CTNNA3: variants seen among roughly 807,000 people sequenced by gnomAD.
CTNNA3 encodes catenin alpha 3.
Under a neutral mutation model 95.7 loss-of-function variants are expected in CTNNA3, and 76 were observed. The observed-to-expected ratio is 0.79, with a 90% CI of 0.66 to 0.96. The LOEUF is 0.96. CTNNA3 is among the 40% of genes least tolerant of loss of function. CTNNA3 has a pLI of 0.00. For synonymous variants in CTNNA3, 431 were observed against 374.4 expected, an observed-to-expected ratio of 1.15 and a Z score of -1.74; for missense variants, 1,191 against 1,089.8, an observed-to-expected ratio of 1.09 and a Z score of -1.31.
At chr10:67,060,103 C>A (rs529279434) in intron 7 of CTNNA3, among the ~76,000 whole-genome samples, 32 of 151,890 alleles carry the variant, frequency 2.1e-4, no homozygotes, top group Non-Finnish European at 3.8e-4. Flanking sequence ...ATCACTTGAG[C>A]CTAGGATTTC....
chr10:66,181,654 A>G (rs532066630), intron 13 of CTNNA3, among the ~76,000 whole-genome samples: 2 of 152,348 alleles, frequency 1.3e-5, no homozygotes, highest in East Asian at 3.9e-4. Flanking sequence ...ACAGTGGCTA[A>G]GTACACTGAA....
At chr10:66,924,986 G>C (rs1317430996) in intron 7 of CTNNA3, among the ~76,000 whole-genome samples, 1 of 152,158 alleles carries the variant, frequency 6.6e-6, no homozygotes. Flanking sequence ...AGGAACCTCA[G>C]ACCAAAAGAA....
chr10:66,395,826 G>T (rs866480765), intron 11 of CTNNA3, among the ~76,000 whole-genome samples: 1 of 151,984 alleles, frequency 6.6e-6, no homozygotes, highest in Admixed American at 6.6e-5. Flanking sequence ...AGATTCAGGG[G>T]TTTCATGTGC....
intron 5 of CTNNA3, among the ~76,000 whole-genome samples, chr10:67,451,593 C>G (rs924788838): frequency 2.6e-5 from 4 of 152,190 alleles, no homozygotes; most frequent in Non-Finnish European, 5.9e-5. Flanking sequence ...TGGCTCTTAT[C>G]CTAGATTCTG....
chr10:66,006,149 A>G (rs944684526), intron 15 of CTNNA3, among the ~76,000 whole-genome samples: 1 of 151,492 alleles, frequency 6.6e-6, no homozygotes, highest in Non-Finnish European at 1.5e-5. Flanking sequence ...AGTAGCTGGG[A>G]CTACAGGCAC....
At chr10:66,266,295 G>C (rs751498147) in intron 13 of CTNNA3, among the ~76,000 whole-genome samples, 1 of 151,878 alleles carries the variant, frequency 6.6e-6, no homozygotes, top group Non-Finnish European at 1.5e-5. Flanking sequence ...ACTATAACAC[G>C]TAGCTGAGAC....
At chr10:67,479,220 T>G (rs1848130145) in intron 5 of CTNNA3, among the ~76,000 whole-genome samples, 5 of 152,142 alleles carry the variant, frequency 3.3e-5, no homozygotes, top group Admixed American at 2.6e-4. Context: ...AATTCTGGAC[T>G]TGAGATTGAC....
At chr10:66,447,503 C>T (rs936500276) in intron 11 of CTNNA3, among the ~76,000 whole-genome samples, 1 of 148,994 alleles carries the variant, frequency 6.7e-6, no homozygotes, top group East Asian at 2.0e-4. Context: ...CAGAACAGAG[C>T]CCTCAGAAAT....
rs539295933 is a variant in CTNNA3 at position 67,270,800 on chromosome 10, G to A, written c.580-50930C>T. Among the ~76,000 whole-genome samples the A allele has an allele frequency of 2.6e-5, 4 of 152,074 alleles. No homozygotes were observed. In the South Asian group the frequency reaches 8.3e-4, roughly 31 times the overall value. ...ACCATTGTTTTGAGTTTTTATATGTGACGCTAATTCGTAAAGAAGCCATAC... is the reference window on the plus strand; with the variant it reads ...ACCATTGTTTTGAGTTTTTATATGTAACGCTAATTCGTAAAGAAGCCATAC... On this transcript the variant is annotated intron_variant, in intron 5 of 17. Transcript: ENST00000433211.
chr10:66,580,860 T>C (rs1441169611), intron 10 of CTNNA3, among the ~76,000 whole-genome samples: 6 of 151,766 alleles, frequency 4.0e-5, no homozygotes, highest in Non-Finnish European at 5.9e-5. Flanking sequence ...ATTATCTGAA[T>C]AGTGCATATT....
chr10:66,689,818 G>A (rs1012763519), intron 9 of CTNNA3, among the ~76,000 whole-genome samples: 1 of 152,154 alleles, frequency 6.6e-6, no homozygotes, highest in Admixed American at 6.5e-5. Flanking sequence ...CTACAAGGGA[G>A]AGAGGGGGAA....
chr10:67,600,967 G>A (rs1479726217), intron 3 of CTNNA3, among the ~76,000 whole-genome samples: 2 of 152,146 alleles, frequency 1.3e-5, no homozygotes, highest in South Asian at 4.1e-4. Flanking sequence ...AGTTCAAAAA[G>A]AGGCAAAACT....
At position 66,610,885 on chromosome 10, in the gene CTNNA3, TAA is replaced by T. The variant is rs554125328; in HGVS notation, c.1374+10805_1374+10806del. Among the ~76,000 whole-genome samples, 65 of 152,206 alleles carry T rather than the reference TAA, an allele frequency of 4.3e-4. No homozygotes were observed. In the Middle Eastern group the frequency reaches 0.01, roughly 24 times the overall value. ...AAAATCCATATTTTGTTAATGAACC[TAA>T]GTGTTCATTAACAGATGAATAAATA... is the stretch of plus-strand genomic sequence containing the variant. On this transcript the variant is annotated intron_variant, in intron 10 of 17. Coordinates refer to ENST00000433211, the MANE Select transcript of CTNNA3 (RefSeq NM_013266.4).
At position 67,523,985 on chromosome 10, in the gene CTNNA3, C is replaced by T. The variant is rs181914821; in HGVS notation, c.460-2024G>A. On this transcript the variant is annotated intron_variant, in intron 4 of 17. Transcript: ENST00000433211. ...CATTTAACTCTAAAGCATGTTTTAG[C>T]CCCTGCACTTTGTCTTCCCTAAGAA... Among the ~76,000 whole-genome samples, 654 of 152,184 alleles carry T rather than the reference C, an allele frequency of 4.3e-3. 2 individuals are homozygous for T. Among genetic ancestry groups the T allele is most frequent in the Non-Finnish European group, 5.8e-3 (396 of 67,996 alleles).
In CTNNA3 at chr10:67,093,799, C is replaced by G. The variant is rs143770838; in HGVS notation, c.1047+86518G>C. Among the ~76,000 whole-genome samples, 41 of 152,096 alleles carry G rather than the reference C, an allele frequency of 2.7e-4. No homozygotes were observed. In the East Asian group the frequency reaches 7.6e-3, roughly 28 times the overall value. ...CATTTTAGATTTAGTTTATTTGAAA[C>G]ATAAATAGGTTTCATCCTAGTCACA... On this transcript the variant is annotated intron_variant, in intron 7 of 17. Coordinates refer to ENST00000433211, the MANE Select transcript of CTNNA3 (RefSeq NM_013266.4).
chr10:67,052,643 C>T (rs983534586), intron 7 of CTNNA3: 3 of 152,040 alleles, frequency 2.0e-5, no homozygotes, highest in Admixed American at 2.0e-4. Context: ...ATGCTTAGGG[C>T]ATCTCTATTA....
intron 7 of CTNNA3, among the ~76,000 whole-genome samples, chr10:66,891,046 C>T (rs1845249891): frequency 6.6e-6 from 1 of 152,062 alleles, no homozygotes; most frequent in Non-Finnish European, 1.5e-5. Context: ...CCATCTTTTC[C>T]TCATGGACTT....
chr10:67,726,294 TATG>T lies in CTNNA3; in HGVS notation c.-2+37137_-2+37139del, dbSNP rs1406928242. On this transcript the variant is annotated intron_variant, in intron 1 of 17. Coordinates refer to the CTNNA3 transcript ENST00000684154. The stretch of plus-strand genomic sequence containing the variant: ...TATATATATTATATTACATATTATA[TATG>T]ATATTATCTTACATATTATATATAT... 3.5e-3 allele frequency among the ~76,000 whole-genome samples: 237 copies of T among 67,570 alleles called. 2 individuals carry two copies. Among genetic ancestry groups the T allele is most frequent in the Non-Finnish European group, 4.5e-3 (188 of 41,586 alleles). The allele number at this position is 67,570 out of a possible 152,430, so 44.3% of individuals were successfully genotyped here.
intron 5 of CTNNA3, among the ~76,000 whole-genome samples, chr10:67,351,623 T>C (rs1228053098): frequency 1.3e-5 from 2 of 152,020 alleles, no homozygotes; most frequent in East Asian, 1.9e-4. Flanking sequence ...AAAATGTTTA[T>C]AGATTTTTAT....
Sources: allele counts gnomAD v4.1 joint callset (sites outside exome capture counted in the v4.1 genomes callset), GRCh38; gene constraint gnomAD v4.1.1; transcripts MANE v1.5; gene names NCBI Gene and HGNC (gene_info 2026-07-23, HGNC 2026-07-21).